The following BCAP29 variants were observed in gnomAD, a reference collection of about 807,000 sequenced individuals.
BCAP29 encodes the protein B cell receptor associated protein 29.
Under a neutral mutation model 31.8 loss-of-function variants are expected in BCAP29, and 34 were observed. The observed-to-expected ratio is 1.07, with a 90% CI of 0.81 to 1.42. The LOEUF (loss-of-function observed/expected upper bound fraction) is 1.42. BCAP29 is among the 40% of genes most tolerant of loss of function. The pLI is 0.00. For synonymous variants in BCAP29, 104 were observed against 91.3 expected (o/e 1.14, Z -0.79); for missense variants, 314 against 269.2 (o/e 1.17, Z -1.16).
rs1303215326 is a variant in BCAP29, at chr7:107,619,588, TCAGGAGTTACTGCTAAAAAACAGA to T, written c.*1228_*1251del. 1 of 152,086 alleles carries T rather than the reference TCAGGAGTTACTGCTAAAAAACAGA, an allele frequency of 6.6e-6. No homozygotes were observed. Among genetic ancestry groups the T allele is most frequent in the Non-Finnish European group, 1.5e-5 (1 of 68,000 alleles). The allele number at this position is 152,086 out of a possible 1,614,324, so 9.4% of individuals were successfully genotyped here. A position where few individuals can be genotyped will look rare whatever the true frequency, so the allele number is the denominator to read the frequency against. ...CTAAAAATTTTATTTCAGATAAAAG[TCAGGAGTTACTGCTAAAAAACAGA>T]CATGTAGGAGACATTCAACAGGAGT... On this transcript the variant is annotated 3_prime_UTR_variant, in exon 8 of 8. Transcript: ENST00000005259.
chr7:107,611,968 A>G (rs1163547141), intron 6 of BCAP29, among the ~76,000 whole-genome samples: 1 of 152,202 alleles, frequency 6.6e-6, no homozygotes, highest in Non-Finnish European at 1.5e-5. Context: ...GACAACGCAG[A>G]TGTAGAACTA....
In BCAP29 at chr7:107,618,753, A is replaced by G. The variant is rs993490445; in HGVS notation, c.*390A>G. On this transcript the variant is annotated 3_prime_UTR_variant, in exon 8 of 8. Coordinates refer to ENST00000005259, the MANE Select transcript of BCAP29 (RefSeq NM_018844.4). ...GTTTTCAGTAATAATAACCTATTTA[A>G]TCAGATGATGATGTGTTTGAAAATA... The G allele has an allele frequency of 3.4e-6, 2 of 588,890 alleles. No individual in the cohort carries two copies. Among genetic ancestry groups the G allele is most frequent in the African/African-American group, 3.7e-5 (2 of 53,814 alleles). The allele number at this position is 588,890 out of a possible 1,614,324, so 36.5% of individuals were successfully genotyped here.
At chr7:107,604,685 G>GTT (rs56875105) in intron 6 of BCAP29, among the ~76,000 whole-genome samples, 3 of 147,190 alleles carry the variant, frequency 2.0e-5, no homozygotes, top group Non-Finnish European at 3.0e-5. Flanking sequence ...TGTTGTTGTT[G>GTT]TTTTTTTTTT....
intron 7 of BCAP29, chr7:107,615,783 G>A (rs1266775607): frequency 5.8e-6 from 1 of 172,666 alleles, no homozygotes; most frequent in Non-Finnish European, 1.3e-5. Context: ...TTTAATAGAT[G>A]TCATTTGTTG....
rs538204666 is a variant in BCAP29, at chr7:107,620,165, T to G, written c.*1802T>G. On this transcript the variant is annotated 3_prime_UTR_variant, in exon 8 of 8. Transcript: ENST00000005259. ...TCTCAAGTTTACAAGTCTGAAACTT[T>G]AGACATCAAAAGTTTGAGCAGTTTT... 6.6e-6 allele frequency: 1 copy of G among 152,232 alleles called. No homozygotes were observed. The highest frequency in any genetic ancestry group is 1.5e-5 in the Non-Finnish European group (1 of 68,026). 9.4% of individuals were successfully genotyped at this position (152,232 alleles called of 1,614,324 possible).
chr7:107,610,630 C>A (rs1007689160), intron 6 of BCAP29, among the ~76,000 whole-genome samples: 1 of 152,050 alleles, frequency 6.6e-6, no homozygotes, highest in Admixed American at 6.6e-5. Context: ...CACTGAAATA[C>A]AAAATGAAAT....
rs1447804478 is a variant in BCAP29 at position 107,580,757 on chromosome 7, A to G, written c.-14-2A>G. ...AGAGAAAATAAGTGTTTTTCCATTT[A>G]GGTGTGAAGAAAAAAATGACACTCC... On this transcript the variant is annotated splice_acceptor_variant, in intron 1 of 7. Coordinates refer to ENST00000005259, the MANE Select transcript of BCAP29 (RefSeq NM_018844.4). LOFTEE classifies it low-confidence loss of function (5UTR_SPLICE). 2.5e-6 allele frequency: 4 copies of G among 1,574,998 alleles called. No homozygotes were observed. Among genetic ancestry groups the G allele is most frequent in the Non-Finnish European group, 3.5e-6 (4 of 1,156,496 alleles).
intron 7 of BCAP29, among the ~76,000 whole-genome samples, chr7:107,613,972 A>C (rs1343165105): frequency 6.6e-6 from 1 of 152,186 alleles, no homozygotes; most frequent in Non-Finnish European, 1.5e-5. Context: ...CTTTCTCTCT[A>C]ATTCAATAAA....
At chr7:107,609,360 A>G (rs1201831418) in intron 6 of BCAP29, among the ~76,000 whole-genome samples, 1 of 152,202 alleles carries the variant, frequency 6.6e-6, no homozygotes. Flanking sequence ...CACAAGAGCA[A>G]TCACTTTGAC....
intron 2 of BCAP29, among the ~76,000 whole-genome samples, chr7:107,583,518 A>T (rs959321808): frequency 6.6e-5 from 10 of 152,166 alleles, no homozygotes; most frequent in African/African-American, 1.9e-4. Flanking sequence ...AGAACAATAT[A>T]TCTTTATTTC....
intron 5 of BCAP29, among the ~76,000 whole-genome samples, chr7:107,599,104 A>G (rs1810448068): frequency 7.5e-6 from 1 of 133,438 alleles, no homozygotes; most frequent in Non-Finnish European, 1.6e-5. Flanking sequence ...ATATAAATAT[A>G]TATTTATAAA....
intron 5 of BCAP29, among the ~76,000 whole-genome samples, chr7:107,598,706 C>T (rs1810300035): frequency 6.6e-6 from 1 of 151,620 alleles, no homozygotes; most frequent in Admixed American, 6.6e-5. Flanking sequence ...CAGTGAAATT[C>T]CTCTTATGTT....
In BCAP29 at chr7:107,620,333, G is replaced by A. The variant is rs2807; in HGVS notation, c.*1970G>A. ...CATAAAATATTGCAGTGTATTAGCC[G>A]GCTGTGGCTCCAGAGTCTGTGCCCT... On this transcript the variant is annotated 3_prime_UTR_variant, in exon 8 of 8. Transcript: ENST00000005259. 0.8 allele frequency: 122,409 copies of A among 152,144 alleles called. 49,664 individuals are homozygous for A. Among genetic ancestry groups the A allele is most frequent in the African/African-American group, 0.92 (38,392 of 41,528 alleles). 9.4% of individuals were successfully genotyped at this position (152,144 alleles called of 1,614,324 possible).
chr7:107,594,513 G>GTTTGTTTT (rs1181776898), intron 4 of BCAP29, among the ~76,000 whole-genome samples: 31 of 150,550 alleles, frequency 2.1e-4, no homozygotes, highest in African/African-American at 7.6e-4. Context: ...TTGTTTGTTT[G>GTTTGTTTT]TTTTTTAAGA....
intron 3 of BCAP29, among the ~76,000 whole-genome samples, chr7:107,589,385 C>T (rs1408961909): frequency 6.6e-6 from 1 of 152,208 alleles, no homozygotes; most frequent in Non-Finnish European, 1.5e-5. Context: ...ACATTCTCAT[C>T]TGGGGATGAT....
Position 107,620,318 on chromosome 7 carries a change from T to C in BCAP29, c.*1955T>C, listed in dbSNP as rs1814832065. On this transcript the variant is annotated 3_prime_UTR_variant, in exon 8 of 8. Coordinates refer to ENST00000005259, the MANE Select transcript of BCAP29 (RefSeq NM_018844.4). ...CTATAATTTGCTAAACATAAAATAT[T>C]GCAGTGTATTAGCCGGCTGTGGCTC... is the stretch of plus-strand genomic sequence containing the variant. 1 of 152,214 alleles carries C rather than the reference T, an allele frequency of 6.6e-6. No homozygotes were observed. Among genetic ancestry groups the C allele is most frequent in the Non-Finnish European group, 1.5e-5 (1 of 68,042 alleles). 9.4% of individuals were successfully genotyped at this position (152,214 alleles called of 1,614,324 possible).
At chr7:107,590,697 T>C (rs113268652) in intron 3 of BCAP29, among the ~76,000 whole-genome samples, 7 of 151,910 alleles carry the variant, frequency 4.6e-5, no homozygotes, top group African/African-American at 1.7e-4. Context: ...CTCATGCTTG[T>C]AGTCCCAGCT....
At chr7:107,592,232 T>G (rs990500451) in intron 3 of BCAP29, among the ~76,000 whole-genome samples, 1 of 152,192 alleles carries the variant, frequency 6.6e-6, no homozygotes, top group Admixed American at 6.5e-5. Context: ...GAAAGACATT[T>G]GGGAGACAAA....
intron 3 of BCAP29, among the ~76,000 whole-genome samples, chr7:107,585,300 GA>G (rs1807444475): frequency 6.6e-6 from 1 of 152,164 alleles, no homozygotes; most frequent in South Asian, 2.1e-4. Flanking sequence ...ATAAAACTAA[GA>G]ACATCTGGTA....
Sources: allele counts gnomAD v4.1 joint callset (sites outside exome capture counted in the v4.1 genomes callset), GRCh38; gene constraint gnomAD v4.1.1; transcripts MANE v1.5; gene names NCBI Gene and HGNC (gene_info 2026-07-23, HGNC 2026-07-21).